The following ATXN1 variants were observed in gnomAD, a reference collection of about 807,000 sequenced individuals.
ATXN1 encodes the protein ataxin 1, also known as ataxin-1.
Under a neutral mutation model 56.4 loss-of-function variants are expected in ATXN1, and 8 were observed. The ratio of observed to expected loss-of-function variants is 0.14; its 90% confidence interval spans 0.08 to 0.26. The LOEUF (loss-of-function observed/expected upper bound fraction) is 0.26. Ranked by LOEUF, ATXN1 falls within the 10% of genes least tolerant of loss-of-function variation. The pLI is 1.00. For missense variants in ATXN1, 987 were observed against 1,106.5 expected (o/e 0.89, Z 1.53); for synonymous variants, 514 against 494.6 (o/e 1.04, Z -0.52).
intron 6 of ATXN1, among the ~76,000 whole-genome samples, chr6:16,422,931 G>T (rs1346454440): frequency 1.3e-5 from 2 of 152,168 alleles, no homozygotes; most frequent in East Asian, 3.9e-4. Context: ...CTACTGAAAA[G>T]CACTTTATTT....
At chr6:16,317,441 C>T (rs1028748550) in intron 7 of ATXN1, among the ~76,000 whole-genome samples, 3 of 152,080 alleles carry the variant, frequency 2.0e-5, no homozygotes. Flanking sequence ...TCTCCTGCCT[C>T]AGCCTCCCAA....
intron 3 of ATXN1, among the ~76,000 whole-genome samples, chr6:16,630,886 G>A (rs1191639898): frequency 1.3e-5 from 2 of 152,284 alleles, no homozygotes; most frequent in East Asian, 1.9e-4. Context: ...TTATGTAAAT[G>A]GCTCATGTGT....
chr6:16,410,875 A>G lies in ATXN1; in HGVS notation c.-161+75097T>C, dbSNP rs931142008. ...CACAGTGGCTCACGCCTGTAATCCCAGCTCTTTGGGAGGCCAATGCAGGCG... is the reference window on the plus strand; with the variant it reads ...CACAGTGGCTCACGCCTGTAATCCCGGCTCTTTGGGAGGCCAATGCAGGCG... On this transcript the variant is annotated intron_variant, in intron 6 of 7. Transcript: ENST00000436367. This position sits in a 1 kb window ranked among gnomAD's most constrained non-coding sequence, Gnocchi z 4.6. 2.0e-5 allele frequency among the ~76,000 whole-genome samples: 3 copies of G among 152,236 alleles called. No individual in the cohort carries two copies. The highest frequency in any genetic ancestry group is 7.2e-5 in the African/African-American group (3 of 41,458).
chr6:16,538,377 G>A (rs898530341), intron 4 of ATXN1, among the ~76,000 whole-genome samples: 1 of 152,058 alleles, frequency 6.6e-6, no homozygotes, highest in Non-Finnish European at 1.5e-5. Flanking sequence ...CATACAAAGA[G>A]CTGACTGTTA....
At chr6:16,614,968 G>A (rs1414462377) in intron 3 of ATXN1, 1 of 150,878 alleles carries the variant, frequency 6.6e-6, no homozygotes, top group Non-Finnish European at 1.5e-5. Flanking sequence ...AAATACAAAT[G>A]ACAAATTTTC....
rs376439384 is a variant in ATXN1, at chr6:16,637,786, TG to T, written c.-489+19989del. Reference sequence around the variant, plus strand: ...CTACGCCAGGCAAATCGCAAGTTGTTGGGGGGCGATTCCCAGAAATATGTGA... The same window carrying T: ...CTACGCCAGGCAAATCGCAAGTTGTTGGGGGCGATTCCCAGAAATATGTGA... On this transcript the variant is annotated intron_variant, in intron 3 of 7. Transcript: ENST00000436367. Among the ~76,000 whole-genome samples, 8 of 152,290 alleles carry T rather than the reference TG, an allele frequency of 5.3e-5. No homozygotes were observed. In the East Asian group the frequency reaches 1.2e-3, roughly 22 times the overall value.
chr6:16,517,345 G>T (rs1178459705), intron 5 of ATXN1, among the ~76,000 whole-genome samples: 1 of 152,174 alleles, frequency 6.6e-6, no homozygotes, highest in African/African-American at 2.4e-5. Context: ...TGAGACTGTG[G>T]GCCAGCCACT....
chr6:16,370,275 G>A (rs9477095), intron 6 of ATXN1, among the ~76,000 whole-genome samples: 1,697 of 152,130 alleles, frequency 0.011, 28 homozygotes, highest in African/African-American at 0.039. Context: ...ATCAACCCCC[G>A]CCGGACATAT....
At chr6:16,373,130 A>C (rs1762079638) in intron 6 of ATXN1, among the ~76,000 whole-genome samples, 1 of 152,196 alleles carries the variant, frequency 6.6e-6, no homozygotes, top group Admixed American at 6.5e-5. Context: ...GGGATGTCCC[A>C]GGCCATGTTG....
At chr6:16,424,502 C>A (rs1046907561) in intron 6 of ATXN1, among the ~76,000 whole-genome samples, 1 of 152,140 alleles carries the variant, frequency 6.6e-6, no homozygotes, top group Non-Finnish European at 1.5e-5. Flanking sequence ...TCCAGGGTTG[C>A]CCAGGGTTCT....
At chr6:16,662,499 A>C (rs747174075) in intron 2 of ATXN1, among the ~76,000 whole-genome samples, 2 of 151,900 alleles carry the variant, frequency 1.3e-5, no homozygotes, top group African/African-American at 2.4e-5. Flanking sequence ...CGCCCAGCTA[A>C]TTTTTTGTAT....
In ATXN1 at chr6:16,505,370, G is replaced by T. The variant is rs9464914; in HGVS notation, c.-299+17257C>A. Among the ~76,000 whole-genome samples, 1,071 of 152,262 alleles carry T rather than the reference G, an allele frequency of 7.0e-3. 15 individuals carry two copies. Among genetic ancestry groups the T allele is most frequent in the African/African-American group, 0.024 (997 of 41,538 alleles). ...ATGAAAAAGGTCCCTTATTAGGTGG[G>T]CTCAGGGTGCTGGTATCAGGACTAT... is the stretch of plus-strand genomic sequence containing the variant. On this transcript the variant is annotated intron_variant, in intron 5 of 7. Transcript: ENST00000436367.
chr6:16,628,417 T>G (rs2113807675), intron 3 of ATXN1, among the ~76,000 whole-genome samples: 1 of 152,344 alleles, frequency 6.6e-6, no homozygotes, highest in South Asian at 2.1e-4. Context: ...CAAAACCATA[T>G]TTCACACACA....
At chr6:16,495,242 T>TA (rs1375164790) in intron 5 of ATXN1, among the ~76,000 whole-genome samples, 4 of 152,352 alleles carry the variant, frequency 2.6e-5, no homozygotes, top group African/African-American at 9.6e-5. Flanking sequence ...GTAAAAATCC[T>TA]AAAAAAGAAA....
At position 16,328,212 on chromosome 6, in the gene ATXN1, C is replaced by A; in HGVS notation, c.99G>T (p.Leu33=). The change falls in exon 7 of 8, where the codon CTG becomes CTT. Residue 33 remains leucine (L), a synonymous_variant. Transcript: ENST00000436367. The surrounding 1 kb of genome is among the most constrained non-coding windows in gnomAD (Gnocchi z 6.2). ...CCTCCACCCGGTGGTTGTCGCTGGG[C>A]AGGGTAGGGGCCTTCTCCTCGGAGG... ...SRSSEEKAPT[L]PSDNHRVEGT... 1.3e-6 allele frequency: 2 copies of A among 1,597,050 alleles called. No individual in the cohort carries two copies. Among genetic ancestry groups the A allele is most frequent in the Non-Finnish European group, 1.7e-6 (2 of 1,169,656 alleles).
intron 2 of ATXN1, among the ~76,000 whole-genome samples, chr6:16,731,391 TA>T (rs560303142): frequency 2.4e-5 from 3 of 122,684 alleles, no homozygotes; most frequent in African/African-American, 5.8e-5. Context: ...AGAGTCGTCA[TA>T]AAAAAAAATC....
intron 4 of ATXN1, among the ~76,000 whole-genome samples, chr6:16,530,502 C>T (rs1456270998): frequency 6.6e-6 from 1 of 152,132 alleles, no homozygotes; most frequent in Admixed American, 6.5e-5. Context: ...CAAAAGGTAA[C>T]CTCTTAGCAG....
At chr6:16,430,034 T>A (rs1759246180) in intron 6 of ATXN1, among the ~76,000 whole-genome samples, 1 of 151,890 alleles carries the variant, frequency 6.6e-6, no homozygotes, top group Admixed American at 6.6e-5. Context: ...TTGCCTGGAG[T>A]GACATTATTT....
At chr6:16,566,567 A>C (rs1233378652) in intron 4 of ATXN1, among the ~76,000 whole-genome samples, 1 of 152,046 alleles carries the variant, frequency 6.6e-6, no homozygotes, top group East Asian at 1.9e-4. Context: ...ACAAACAAAC[A>C]AACAGGCTGG....
Sources: gnomAD v4.1 joint callset for allele counts (sites outside exome capture counted in the v4.1 genomes callset) on GRCh38, gnomAD v4.1.1 for gene constraint, Gnocchi (gnomAD v3.1) non-coding constraint, MANE v1.5 for transcripts, NCBI Gene and HGNC (gene_info 2026-07-23, HGNC 2026-07-21) for gene names.